The following PMEPA1 variants were observed in gnomAD, a reference collection of about 807,000 sequenced individuals.
PMEPA1 encodes the protein protein TMEPAI.
Under a neutral mutation model 23.0 loss-of-function variants are expected in PMEPA1, and 11 were observed. The observed-to-expected ratio is 0.48, with a 90% CI of 0.30 to 0.79. The LOEUF (loss-of-function observed/expected upper bound fraction) is 0.79, where lower values mean the gene tolerates loss of function less well. Ranked by LOEUF, PMEPA1 falls within the 30% of genes least tolerant of loss-of-function variation. PMEPA1 has a pLI of 0.06. For missense variants in PMEPA1, 377 were observed against 390.9 expected, an observed-to-expected ratio of 0.96 and a Z score of 0.30; for synonymous variants, 204 against 166.4, an observed-to-expected ratio of 1.23 and a Z score of -1.74.
chr20:57,689,899 G>A (rs759263674), intron 1 of PMEPA1, among the ~76,000 whole-genome samples: 2 of 152,144 alleles, frequency 1.3e-5, no homozygotes, highest in African/African-American at 2.4e-5. Flanking sequence ...ACACAGACAC[G>A]GCGCTGCTGG....
At chr20:57,693,071 T>C (rs144445888) in intron 1 of PMEPA1, among the ~76,000 whole-genome samples, 91 of 152,318 alleles carry the variant, frequency 6.0e-4, no homozygotes, top group African/African-American at 1.6e-3. Flanking sequence ...ACGCTTATGT[T>C]GTGAGCAGGC....
At chr20:57,698,884 G>A (rs2071975986) in intron 1 of PMEPA1, among the ~76,000 whole-genome samples, 1 of 152,168 alleles carries the variant, frequency 6.6e-6, no homozygotes, top group Non-Finnish European at 1.5e-5. Context: ...AAATGTAGCA[G>A]CCATAAGAGG....
chr20:57,681,079 C>T (rs1038876195), intron 1 of PMEPA1, among the ~76,000 whole-genome samples: 5 of 152,202 alleles, frequency 3.3e-5, no homozygotes, highest in African/African-American at 1.2e-4. Flanking sequence ...TTTCCAAGTG[C>T]CCCAGGGCCT....
At position 57,655,886 on chromosome 20, in the gene PMEPA1, C is replaced by T. The variant is rs1011444122; in HGVS notation, c.265-2800G>A. Among the ~76,000 whole-genome samples the T allele has an allele frequency of 6.6e-5, 10 of 152,152 alleles. No individual in the cohort carries two copies. Among genetic ancestry groups the T allele is most frequent in the African/African-American group, 1.4e-4 (6 of 41,450 alleles). ...GCGGGTCTCTGTCATACCACTGAAC[C>T]CTGCTGCTACAGCCAAGCGCAGCTA... On this transcript the variant is annotated intron_variant, in intron 2 of 3. Coordinates refer to ENST00000341744, the MANE Select transcript of PMEPA1 (RefSeq NM_020182.5). This position sits in a 1 kb window ranked among gnomAD's most constrained non-coding sequence, Gnocchi z 4.2.
At chr20:57,676,906 C>T (rs1293113490) in intron 1 of PMEPA1, among the ~76,000 whole-genome samples, 2 of 152,200 alleles carry the variant, frequency 1.3e-5, no homozygotes, top group African/African-American at 2.4e-5. Context: ...ACCCTGCAGC[C>T]GGAACAATCT....
chr20:57,678,389 C>T (rs6070219), intron 1 of PMEPA1, among the ~76,000 whole-genome samples: 2,639 of 152,358 alleles, frequency 0.017, 47 homozygotes, highest in Middle Eastern at 0.027. Context: ...AACAAGTGAA[C>T]GGTCTGGGAG....
intron 1 of PMEPA1, among the ~76,000 whole-genome samples, chr20:57,696,157 G>C (rs1320538213): frequency 1.3e-5 from 2 of 152,178 alleles, no homozygotes; most frequent in Non-Finnish European, 2.9e-5. Flanking sequence ...AGTGTGTGGA[G>C]GATGGGAGGA....
chr20:57,668,170 C>T (rs951799493), intron 1 of PMEPA1, among the ~76,000 whole-genome samples: 1 of 152,152 alleles, frequency 6.6e-6, no homozygotes, highest in Non-Finnish European at 1.5e-5. Context: ...TGGGGAGGGA[C>T]GCTGAGAGGG....
At chr20:57,653,755 C>T (rs1398938140) in intron 2 of PMEPA1, among the ~76,000 whole-genome samples, 2 of 152,232 alleles carry the variant, frequency 1.3e-5, no homozygotes, top group African/African-American at 4.8e-5. Flanking sequence ...GCACGGCCCG[C>T]TGCTGTCCAC....
chr20:57,672,645 C>A (rs1395969880), intron 1 of PMEPA1, among the ~76,000 whole-genome samples: 1 of 152,198 alleles, frequency 6.6e-6, no homozygotes, highest in Non-Finnish European at 1.5e-5. Context: ...TTCTCGGTCT[C>A]CCCTGGGGCA....
intron 1 of PMEPA1, among the ~76,000 whole-genome samples, chr20:57,680,029 G>A (rs1272180355): frequency 6.6e-6 from 1 of 152,148 alleles, no homozygotes; most frequent in African/African-American, 2.4e-5. Flanking sequence ...CAATGGCTGT[G>A]ACCTTGACCA....
At chr20:57,694,634 T>G (rs2146702115) in intron 1 of PMEPA1, among the ~76,000 whole-genome samples, 1 of 152,326 alleles carries the variant, frequency 6.6e-6, no homozygotes, top group Non-Finnish European at 1.5e-5. Context: ...GGCAATTGAC[T>G]TCTGCCCTCT....
intron 1 of PMEPA1, among the ~76,000 whole-genome samples, chr20:57,698,674 G>A (rs1229952330): frequency 6.6e-6 from 1 of 152,210 alleles, no homozygotes; most frequent in Non-Finnish European, 1.5e-5. Flanking sequence ...AGGGGAATCT[G>A]CGGAACTGGC....
Position 57,655,596 on chromosome 20 carries a change from C to T in PMEPA1, c.265-2510G>A, listed in dbSNP as rs1436749586. Among the ~76,000 whole-genome samples, 1 of 152,174 alleles carries T rather than the reference C, an allele frequency of 6.6e-6. No homozygotes were observed. The highest frequency in any genetic ancestry group is 1.5e-5 in the Non-Finnish European group (1 of 68,034). On this transcript the variant is annotated intron_variant, in intron 2 of 3. Coordinates refer to ENST00000341744, the MANE Select transcript of PMEPA1 (RefSeq NM_020182.5). The surrounding 1 kb of genome is among the most constrained non-coding windows in gnomAD (Gnocchi z 4.2). ...CAGCTTCAGAATTGTCTGGAACCTT[C>T]CCCAGCCTCTGGCTATGTCTGCCAG...
At chr20:57,701,564 G>C (rs1322256226) in intron 1 of PMEPA1, among the ~76,000 whole-genome samples, 4 of 152,314 alleles carry the variant, frequency 2.6e-5, no homozygotes, top group Middle Eastern at 3.4e-3. Context: ...CTCTAGAAGA[G>C]AGGGCAGGTA....
chr20:57,666,884 G>A (rs2071500205), intron 1 of PMEPA1, among the ~76,000 whole-genome samples: 1 of 152,254 alleles, frequency 6.6e-6, no homozygotes, highest in Non-Finnish European at 1.5e-5. Flanking sequence ...CAAGCCCCGA[G>A]GGGCAGCATT....
chr20:57,691,153 C>T (rs2071877204), intron 1 of PMEPA1, among the ~76,000 whole-genome samples: 1 of 152,216 alleles, frequency 6.6e-6, no homozygotes, highest in African/African-American at 2.4e-5. Flanking sequence ...GTCCAAAACA[C>T]TAGGCCCACC....
rs576789734 is a variant in PMEPA1, at chr20:57,658,396, G to A, written c.264+1147C>T. ...CCACGGCCCTCGGCTTCCTTCATCC[G>A]TGCACCTGCTCCTGTCTGCGCCCAT... On this transcript the variant is annotated intron_variant, in intron 2 of 3. Coordinates refer to ENST00000341744, the MANE Select transcript of PMEPA1 (RefSeq NM_020182.5). Among the ~76,000 whole-genome samples, 32 of 152,214 alleles carry A rather than the reference G, an allele frequency of 2.1e-4. No individual in the cohort carries two copies. The East Asian group carries it at 2.9e-3, about 14-fold the overall frequency.
intron 1 of PMEPA1, among the ~76,000 whole-genome samples, chr20:57,695,678 T>C (rs955651338): frequency 1.3e-5 from 2 of 152,226 alleles, no homozygotes; most frequent in African/African-American, 4.8e-5. Context: ...CTAGCAGTAC[T>C]CCTCTGATTA....
Sources: gnomAD v4.1 joint callset for allele counts (sites outside exome capture counted in the v4.1 genomes callset) on GRCh38, gnomAD v4.1.1 for gene constraint, Gnocchi (gnomAD v3.1) non-coding constraint, MANE v1.5 for transcripts, NCBI Gene and HGNC (gene_info 2026-07-23, HGNC 2026-07-21) for gene names.